The following GOLGA6L2 variants were observed in gnomAD, a reference collection of about 807,000 sequenced individuals.
GOLGA6L2 encodes golgin subfamily A member 6-like protein 2.
GOLGA6L2 carries 30 observed loss-of-function variants against 35.9 expected under a neutral mutation model. The ratio of observed to expected loss-of-function variants is 0.83; its 90% CI spans 0.62 to 1.13. The LOEUF (loss-of-function observed/expected upper bound fraction) is 1.13. Among genes scored for constraint, GOLGA6L2 ranks in the 50% most tolerant of loss-of-function variants. The probability of loss-of-function intolerance (pLI) is 0.00; values close to 1 mark genes in which losing one functional copy is unlikely to be tolerated. For synonymous variants in GOLGA6L2, 297 were observed against 344.0 expected (o/e 0.86, Z 1.51); for missense variants, 821 against 973.4 (o/e 0.84, Z 2.08).
chr15:23,443,377 TACACACACACACAC>T (rs59048780), intron 5 of GOLGA6L2, among the ~76,000 whole-genome samples: 1 of 149,940 alleles, frequency 6.7e-6, no homozygotes, highest in Non-Finnish European at 1.5e-5. Flanking sequence ...CCATAATACG[TACACACACACACAC>T]ACACACACAC....
intron 2 of GOLGA6L2, among the ~76,000 whole-genome samples, chr15:23,444,848 C>T (rs962676455): frequency 4.6e-5 from 7 of 151,738 alleles, no homozygotes; most frequent in East Asian, 1.9e-4. Context: ...GGGCCGGGGA[C>T]GGTTCTTCAC....
At position 23,444,377 on chromosome 15, in the gene GOLGA6L2, C is replaced by T. The variant is rs538138542; in HGVS notation, c.243+94G>A. 4.5e-3 allele frequency: 6,725 copies of T among 1,506,172 alleles called. 28 individuals are homozygous for T. Among genetic ancestry groups the T allele is most frequent in the Admixed American group, 5.4e-3 (304 of 56,330 alleles). The allele number at this position is 1,506,172 out of a possible 1,614,324, so 93.3% of individuals were successfully genotyped here. The stretch of plus-strand genomic sequence containing the variant: ...TGGAATCTTGGCGGTGAGCCTTCTT[C>T]CCCAAGCTGGGAGTAGGCGAGATGA... On this transcript the variant is annotated intron_variant, in intron 3 of 7. Transcript: ENST00000567107.
intron 7 of GOLGA6L2, 89 bp downstream of exon 7, chr15:23,441,890 G>T (rs951227750): frequency 6.8e-7 from 1 of 1,469,186 alleles, no homozygotes; most frequent in South Asian, 1.4e-5. Flanking sequence ...CCAGCTCTTG[G>T]CTGGACCCTC....
rs771801831 is a variant in GOLGA6L2 at position 23,447,120 on chromosome 15, TTGTTC to T, written c.57_61del (p.Asn20IlefsTer3). Reference sequence around the variant, plus strand: ...TACCTTTTTCTTGGCCTCAGCCAATTTGTTCTGTCTGGTTTTTTCTGACATCATGG... The same window carrying T: ...TACCTTTTTCTTGGCCTCAGCCAATTTGTCTGGTTTTTTCTGACATCATGG... On this transcript the variant is annotated frameshift_variant, in exon 1 of 8. Coordinates refer to ENST00000567107, the MANE Select transcript of GOLGA6L2 (RefSeq NM_001304388.2). LOFTEE classifies it high-confidence loss of function. The T allele has an allele frequency of 2.3e-5, 36 of 1,591,450 alleles. No homozygotes were observed. In the African/African-American group the frequency reaches 4.3e-4, roughly 19 times the overall value.
Position 23,441,335 on chromosome 15 carries a change from C to G in GOLGA6L2, c.1140G>C (p.Glu380Asp), listed in dbSNP as rs773423162. The G allele has an allele frequency of 6.5e-7, 1 of 1,539,844 alleles. No individual in the cohort carries two copies. Among genetic ancestry groups the G allele is most frequent in the Non-Finnish European group, 8.7e-7 (1 of 1,146,228 alleles). ...KMWRQEERLW[E>D]QEKQMREQEQ... ...CCTGCTCCCGCATCTGCTTCTCCTGCTCCCACAGCCTCTCCTCCTGTCTCC... is the reference window on the plus strand; with the variant it reads ...CCTGCTCCCGCATCTGCTTCTCCTGGTCCCACAGCCTCTCCTCCTGTCTCC... Residue 380 changes from glutamate to aspartate, a missense_variant, in exon 8 of 8, where the codon GAG becomes GAC. By Grantham distance (45) the Glu-to-Asp change is conservative. Coordinates refer to ENST00000567107, the MANE Select transcript of GOLGA6L2 (RefSeq NM_001304388.2).
In GOLGA6L2 at chr15:23,439,334, C is replaced by G. The variant is rs994442965; in HGVS notation, c.*411G>C. Among the ~76,000 whole-genome samples, 6 of 152,000 alleles carry G rather than the reference C, an allele frequency of 3.9e-5. No homozygotes were observed. The highest frequency in any genetic ancestry group is 1.4e-4 in the African/African-American group (6 of 41,386). ...TCATGTTGGCCAGGCTGGTCTTGAA[C>G]TCCTGACCTCAGGTGATCCACCCCC... is the stretch of plus-strand genomic sequence containing the variant. On this transcript the variant is annotated 3_prime_UTR_variant, in exon 8 of 8. Coordinates refer to ENST00000567107, the MANE Select transcript of GOLGA6L2 (RefSeq NM_001304388.2).
rs368026261 is a variant in GOLGA6L2 at position 23,439,549 on chromosome 15, A to G, written c.*196T>C. ...TTGTTGACAGTGCCAACTTTTAGAT[A>G]TTGATGATCTTCATCTTTCTCTTGT... On this transcript the variant is annotated 3_prime_UTR_variant, in exon 8 of 8. Coordinates refer to ENST00000567107, the MANE Select transcript of GOLGA6L2 (RefSeq NM_001304388.2). 4.4e-5 allele frequency: 67 copies of G among 1,525,120 alleles called. No individual in the cohort carries two copies. In the African/African-American group the frequency reaches 9.0e-4, roughly 20 times the overall value. 94.5% of individuals were successfully genotyped at this position (1,525,120 alleles called of 1,614,324 possible).
At chr15:23,443,140 G>T (rs557855662) in intron 5 of GOLGA6L2, among the ~76,000 whole-genome samples, 48 of 152,254 alleles carry the variant, frequency 3.2e-4, no homozygotes, top group African/African-American at 1.2e-3. Context: ...ACAGAGCTGG[G>T]ATTTCAACAC....
chr15:23,445,472 AC>A, intron 1 of GOLGA6L2, 34 bp from the exon 2 acceptor site: 1 of 946,276 alleles, frequency 1.1e-6, no homozygotes, highest in East Asian at 5.0e-5. Flanking sequence ...ACTCATGAGA[AC>A]TACAAGCTCC....
At chr15:23,442,228 G>A (rs1163850145) in intron 6 of GOLGA6L2, 108 bp from the exon 7 acceptor site, 22 of 1,322,224 alleles carry the variant, frequency 1.7e-5, no homozygotes, top group Non-Finnish European at 2.1e-5. Context: ...GGCACTGGAA[G>A]GGACCCCAGG....
intron 7 of GOLGA6L2, 134 bp from the exon 8 acceptor site, chr15:23,441,816 T>C (rs1181960692): frequency 2.2e-6 from 3 of 1,355,764 alleles, no homozygotes; most frequent in Non-Finnish European, 2.9e-6. Context: ...GGGCCCCAAA[T>C]TTGTAGATTT....
Position 23,442,014 on chromosome 15 carries a change from T to C in GOLGA6L2, c.757A>G (p.Arg253Gly). ...AGGAACTTGGCCCTCTCCAGTTTCCTTTTTAGCTCCTTCACGTTGAGCTGG... is the reference window on the plus strand; with the variant it reads ...AGGAACTTGGCCCTCTCCAGTTTCCCTTTTAGCTCCTTCACGTTGAGCTGG... ...EIQLNVKELK[R>G]KLERAKFLLP... The change falls in exon 7 of 8, where the codon AGG becomes GGG. Residue 253 changes from arginine to glycine, a missense_variant. Transcript: ENST00000567107. 6.5e-7 allele frequency: 1 copy of C among 1,545,308 alleles called. No individual in the cohort carries two copies. Among genetic ancestry groups the C allele is most frequent in the Non-Finnish European group, 8.7e-7 (1 of 1,152,784 alleles).
At position 23,440,594 on chromosome 15, in the gene GOLGA6L2, C is replaced by G; in HGVS notation, c.1881G>C (p.Ala627=). ...EEDMGPGGED[A]RGGEDAGAGE... is the part of the protein sequence containing the mutation. ...CCGCTCCCGCATCCTCTCCTCCTCTCGCATCTTCTCCTCCTGGTCCCATGT... is the reference window on the plus strand; with the variant it reads ...CCGCTCCCGCATCCTCTCCTCCTCTGGCATCTTCTCCTCCTGGTCCCATGT... The change falls in exon 8 of 8, where the codon GCG becomes GCC. Residue 627 remains alanine, a synonymous_variant. Transcript: ENST00000567107. The G allele has an allele frequency of 2.2e-6, 3 of 1,369,692 alleles. No individual in the cohort carries two copies. The allele number at this position is 1,369,692 out of a possible 1,614,324, so 84.8% of individuals were successfully genotyped here.
chr15:23,444,626 C>T (rs1372859128), intron 2 of GOLGA6L2, 126 bp from the exon 3 acceptor site: 5 of 785,444 alleles, frequency 6.4e-6, no homozygotes, highest in Non-Finnish European at 1.1e-5. Context: ...CCAATGGGAA[C>T]ATGAAGTGGT....
At chr15:23,442,225 G>A in intron 6 of GOLGA6L2, 105 bp from the exon 7 acceptor site, 2 of 1,337,060 alleles carry the variant, frequency 1.5e-6, no homozygotes, top group African/African-American at 2.9e-5. Context: ...CGTGGCACTG[G>A]AAGGGACCCC....
intron 1 of GOLGA6L2, among the ~76,000 whole-genome samples, chr15:23,446,619 G>C (rs73423953): frequency 6.6e-6 from 1 of 152,168 alleles, no homozygotes; most frequent in Non-Finnish European, 1.5e-5. Flanking sequence ...GGAGGGGTTC[G>C]CAGGGTTGGG....
intron 6 of GOLGA6L2, 130 bp downstream of exon 6, chr15:23,442,320 C>G (rs746641822): frequency 7.3e-6 from 9 of 1,229,342 alleles, no homozygotes; most frequent in Non-Finnish European, 9.1e-6. Flanking sequence ...ACAGCCGGCA[C>G]TAGAGCTTCC....
intron 5 of GOLGA6L2, among the ~76,000 whole-genome samples, chr15:23,443,399 CACGCACAT>C (rs940914012): frequency 2.6e-5 from 4 of 151,812 alleles, no homozygotes; most frequent in East Asian, 1.9e-4. Context: ...CACACACACA[CACGCACAT>C]GCACACTTAT....
Position 23,439,795 on chromosome 15 carries a change from G to A in GOLGA6L2, c.2680C>T (p.Arg894Ter), listed in dbSNP as rs1157250503. 12 of 1,531,734 alleles carry A rather than the reference G, an allele frequency of 7.8e-6. No homozygotes were observed. Among genetic ancestry groups the A allele is most frequent in the East Asian group, 2.5e-5 (1 of 40,714 alleles). The allele number at this position is 1,531,734 out of a possible 1,614,324, so 94.9% of individuals were successfully genotyped here. ...GGCAGGGCTCTGAGCACCGCTCCTC[G>A]TGCTCTGGCAGCCTCTCCTGCATCT... ...REDAGEAARA[R>*]GAVLRALPPS... The change falls in exon 8 of 8, where the codon CGA (arginine) becomes TGA (stop). Residue 894 changes from arginine to a stop codon, truncating the protein, a stop_gained. Transcript: ENST00000567107. LOFTEE classifies it low-confidence loss of function (END_TRUNC).
Sources: allele counts gnomAD v4.1 joint callset (sites outside exome capture counted in the v4.1 genomes callset), GRCh38; gene constraint gnomAD v4.1.1; transcripts MANE v1.5; gene names NCBI Gene and HGNC (gene_info 2026-07-23, HGNC 2026-07-21).